ANO10: variants seen among roughly 807,000 people sequenced by gnomAD.
ANO10 encodes anoctamin-10.
Under a neutral mutation model 74.7 loss-of-function variants are expected in ANO10, and 77 were observed. The observed-to-expected ratio is 1.03, with a 90% CI of 0.86 to 1.25. The LOEUF is 1.25. Among genes scored for constraint, ANO10 ranks in the 50% most tolerant of loss-of-function variants. The pLI, the probability that ANO10 is intolerant of heterozygous loss-of-function variation, is 0.00. For missense variants in ANO10, 721 were observed against 778.1 expected (o/e 0.93, Z 0.87); for synonymous variants, 279 against 284.9 (o/e 0.98, Z 0.21).
intron 3 of ANO10, 44 bp from the exon 4 acceptor site, chr3:43,598,710 T>C: frequency 4.1e-6 from 6 of 1,463,018 alleles, no homozygotes; most frequent in South Asian, 1.2e-5. Flanking sequence ...ATAATCAAAA[T>C]AAAAATATTC....
In ANO10 at chr3:43,577,222, T is replaced by C. The variant is rs886058480; in HGVS notation, c.632A>G (p.Tyr211Cys). 1.9e-6 allele frequency: 3 copies of C among 1,614,058 alleles called. No individual in the cohort carries two copies. The East Asian group carries it at 6.7e-5, about 36-fold the overall frequency. ...RGYFGETIALYFGFLEYFTFA... is the reference protein window; with the variant it reads ...RGYFGETIALCFGFLEYFTFA... ...AGTGAAATACTCCAAAAATCCAAAG[T>C]ACAGAGCAATTGTTTCCCCAAAGTA... The change falls in exon 6 of 13, where the codon TAC (tyrosine) becomes TGC (cysteine). Residue 211 changes from tyrosine (Y) to cysteine (C), a missense_variant. Tyr to Cys is a radical substitution (Grantham distance 194). Coordinates refer to ENST00000292246, the MANE Select transcript of ANO10 (RefSeq NM_018075.5).
rs549740689 is a variant in ANO10 at position 43,594,703 on chromosome 3, C to A, written c.472+3829G>T. 1.7e-3 allele frequency among the ~76,000 whole-genome samples: 260 copies of A among 152,202 alleles called. 1 individual carries two copies. Among genetic ancestry groups the A allele is most frequent in the African/African-American group, 5.6e-3 (231 of 41,522 alleles). ...CACCCTAACATCACAATTAAAAGAA[C>A]TAGAGAAGCAAGAGCAAACACATGC... On this transcript the variant is annotated intron_variant, in intron 4 of 12. Coordinates refer to ENST00000292246, the MANE Select transcript of ANO10 (RefSeq NM_018075.5).
Position 43,580,464 on chromosome 3 carries a change from ATCT to A in ANO10, c.478_480del (p.Arg160del). The stretch of plus-strand genomic sequence containing the variant: ...TGAATCACGATGCCAGACGTGAGCA[ATCT>A]TCTCACTGCACAGGGAAAATGTGCC... On this transcript the variant is annotated inframe_deletion, in exon 5 of 13. Coordinates refer to ENST00000292246, the MANE Select transcript of ANO10 (RefSeq NM_018075.5). 1.2e-6 allele frequency: 2 copies of A among 1,613,822 alleles called. No individual in the cohort carries two copies. The highest frequency in any genetic ancestry group is 1.7e-6 in the Non-Finnish European group (2 of 1,179,954).
At chr3:43,369,066 T>A (rs1209720989) in intron 12 of ANO10, among the ~76,000 whole-genome samples, 2 of 20,866 alleles carry the variant, frequency 9.6e-5, no homozygotes, top group South Asian at 0.012. Flanking sequence ...GTAGCCAGGG[T>A]GGATGGGCCT....
At chr3:43,571,331 C>T (rs1476793659) in intron 7 of ANO10, among the ~76,000 whole-genome samples, 1 of 152,096 alleles carries the variant, frequency 6.6e-6, no homozygotes, top group Non-Finnish European at 1.5e-5. Flanking sequence ...CATCCCATTA[C>T]TGAGTATATA....
In ANO10 at chr3:43,432,944, CTTTTTTTTT is replaced by C. The variant is rs5848663; in HGVS notation, c.1798-226_1798-218del. 1.6e-3 allele frequency among the ~76,000 whole-genome samples: 90 copies of C among 55,284 alleles called. 1 individual carries two copies. The South Asian group carries it at 0.05, about 31-fold the overall frequency. The allele number at this position is 55,284 out of a possible 152,430, so 36.3% of individuals were successfully genotyped here. ...CAGTAATTACTGACTTTGCTTAATT[CTTTTTTTTT>C]TTTTTTTTTTTTTTTTTTTTTGAGA... On this transcript the variant is annotated intron_variant, in intron 11 of 12. Coordinates refer to ENST00000292246, the MANE Select transcript of ANO10 (RefSeq NM_018075.5).
intron 11 of ANO10, among the ~76,000 whole-genome samples, chr3:43,541,597 CACTA>C (rs2078957435): frequency 1.3e-5 from 2 of 152,262 alleles, no homozygotes; most frequent in South Asian, 4.1e-4. Flanking sequence ...AAGTAATTGG[CACTA>C]ACTATATGTA....
At chr3:43,512,942 A>C (rs989293308) in intron 11 of ANO10, among the ~76,000 whole-genome samples, 1 of 152,200 alleles carries the variant, frequency 6.6e-6, no homozygotes, top group Admixed American at 6.5e-5. Flanking sequence ...TGCAGGGAGA[A>C]AACGTCAGGA....
intron 1 of ANO10, among the ~76,000 whole-genome samples, chr3:43,651,300 C>CA (rs1408736792): frequency 6.6e-6 from 1 of 152,116 alleles, no homozygotes; most frequent in Non-Finnish European, 1.5e-5. Flanking sequence ...AAAACCTACA[C>CA]AAAATGATTA....
In ANO10 at chr3:43,432,656, T is replaced by C. The variant is rs141623826; in HGVS notation, c.1869A>G (p.Lys623=). 1.2e-6 allele frequency: 2 copies of C among 1,613,876 alleles called. No individual in the cohort carries two copies. Among genetic ancestry groups the C allele is most frequent in the Non-Finnish European group, 1.7e-6 (2 of 1,179,928 alleles). ...IPDKPRHIQM[K]LARLEFESLE... is the part of the protein sequence containing the mutation. Reference sequence around the variant, plus strand: ...AAGACTCAAATTCCAGTCTGGCTAGTTTCATCTGGATATGCCGTGGCTTAT... The same window carrying C: ...AAGACTCAAATTCCAGTCTGGCTAGCTTCATCTGGATATGCCGTGGCTTAT... The change falls in exon 12 of 13, where the codon AAA becomes AAG. Residue 623 remains lysine, a synonymous_variant. Coordinates refer to ENST00000292246, the MANE Select transcript of ANO10 (RefSeq NM_018075.5).
chr3:43,507,904 A>T (rs543582017), intron 11 of ANO10, among the ~76,000 whole-genome samples: 1 of 152,322 alleles, frequency 6.6e-6, no homozygotes, highest in South Asian at 2.1e-4. Flanking sequence ...CTTGCAAAAA[A>T]TGTCATCAAA....
At chr3:43,651,499 TAA>T (rs372652719) in intron 1 of ANO10, among the ~76,000 whole-genome samples, 6 of 152,098 alleles carry the variant, frequency 3.9e-5, no homozygotes, top group African/African-American at 1.2e-4. Context: ...TAAAGTGTCT[TAA>T]AAAAAGAGGG....
chr3:43,386,647 A>ATGTGTG (rs2092125622), intron 12 of ANO10, among the ~76,000 whole-genome samples: 1 of 87,934 alleles, frequency 1.1e-5, no homozygotes, highest in South Asian at 4.3e-4. Context: ...GTAGGTGTGT[A>ATGTGTG]CGTGTGTGTG....
intron 11 of ANO10, among the ~76,000 whole-genome samples, chr3:43,534,483 A>C (rs576299203): frequency 8.2e-5 from 12 of 146,908 alleles, no homozygotes; most frequent in Admixed American, 1.4e-4. Context: ...CATGAGAGAG[A>C]GCGCGCAAGA....
At chr3:43,630,586 A>G (rs1284441302) in intron 1 of ANO10, among the ~76,000 whole-genome samples, 2 of 152,278 alleles carry the variant, frequency 1.3e-5, no homozygotes, top group Admixed American at 1.3e-4. Context: ...CTGCCCCTCA[A>G]ATGCACCCAG....
At chr3:43,468,978 G>C (rs1272999244) in intron 11 of ANO10, among the ~76,000 whole-genome samples, 1 of 150,932 alleles carries the variant, frequency 6.6e-6, no homozygotes, top group Non-Finnish European at 1.5e-5. Flanking sequence ...CCAAAGTACT[G>C]GGATTACAGG....
intron 11 of ANO10, among the ~76,000 whole-genome samples, chr3:43,492,539 C>T (rs2076761623): frequency 6.6e-6 from 1 of 152,122 alleles, no homozygotes; most frequent in African/African-American, 2.4e-5. Flanking sequence ...GCAATCTTTC[C>T]ATCTGACAAA....
intron 11 of ANO10, among the ~76,000 whole-genome samples, chr3:43,501,075 G>A (rs2077082666): frequency 6.6e-6 from 1 of 152,126 alleles, no homozygotes; most frequent in Non-Finnish European, 1.5e-5. Flanking sequence ...CCTGAGGCTG[G>A]GTAATCTATA....
chr3:43,582,020 G>T lies in ANO10; in HGVS notation c.473-1548C>A, dbSNP rs186381483. On this transcript the variant is annotated intron_variant, in intron 4 of 12. Coordinates refer to ENST00000292246, the MANE Select transcript of ANO10 (RefSeq NM_018075.5). Reference sequence around the variant, plus strand: ...TTGATAAGTTTTGAGCTTCTTTAAGGTTTATCAGCTCAAGTCTTCAGAGAG... The same window carrying T: ...TTGATAAGTTTTGAGCTTCTTTAAGTTTTATCAGCTCAAGTCTTCAGAGAG... 7.0e-4 allele frequency among the ~76,000 whole-genome samples: 107 copies of T among 152,100 alleles called. 1 individual carries two copies. Among genetic ancestry groups the T allele is most frequent in the African/African-American group, 2.4e-3 (101 of 41,498 alleles).
Sources: gnomAD v4.1 joint callset for allele counts (sites outside exome capture counted in the v4.1 genomes callset) on GRCh38, gnomAD v4.1.1 for gene constraint, MANE v1.5 for transcripts, NCBI Gene and HGNC (gene_info 2026-07-23, HGNC 2026-07-21) for gene names.